Variants in IL18R1 observed in about 807,000 individuals in gnomAD.
IL18R1 encodes interleukin 18 receptor 1, also known as interleukin-18 receptor 1.
Under a neutral mutation model 48.5 loss-of-function variants are expected in IL18R1, and 40 were observed. That is an observed-to-expected ratio of 0.82 (90% CI 0.64 to 1.07). The LOEUF is 1.07. IL18R1 is among the 50% of genes least tolerant of loss of function. IL18R1 has a pLI of 0.00. For synonymous variants in IL18R1, 232 were observed against 225.9 expected (o/e 1.03, Z -0.24); for missense variants, 596 against 633.7 (o/e 0.94, Z 0.64).
intron 1 of IL18R1, among the ~76,000 whole-genome samples, chr2:102,357,753 T>G (rs975529889): frequency 2.0e-5 from 3 of 151,982 alleles, no homozygotes; most frequent in African/African-American, 7.3e-5. Context: ...ATAGGCAGAT[T>G]TGGGGGGAAG....
intron 3 of IL18R1, among the ~76,000 whole-genome samples, chr2:102,371,626 A>C (rs968280773): frequency 1.3e-5 from 2 of 152,200 alleles, no homozygotes; most frequent in African/African-American, 4.8e-5. Flanking sequence ...CCATCAGTGA[A>C]GATCACTGAC....
At chr2:102,359,065 G>A (rs367731553) in intron 1 of IL18R1, among the ~76,000 whole-genome samples, 8 of 151,466 alleles carry the variant, frequency 5.3e-5, no homozygotes, top group South Asian at 2.1e-4. Flanking sequence ...GTTTGCATTT[G>A]GAAAAGCATG....
chr2:102,394,849 TC>T (rs1680741576), intron 10 of IL18R1, among the ~76,000 whole-genome samples: 1 of 152,212 alleles, frequency 6.6e-6, no homozygotes, highest in Non-Finnish European at 1.5e-5. Flanking sequence ...TTCACGGTTC[TC>T]TGAAACTTTG....
At chr2:102,374,096 C>T (rs978834850) in intron 4 of IL18R1, 19 of 213,826 alleles carry the variant, frequency 8.9e-5, no homozygotes, top group Middle Eastern at 3.6e-3. Context: ...ACCAACCATT[C>T]CCCGCTCAAC....
intron 8 of IL18R1, 69 bp downstream of exon 8, chr2:102,387,069 G>A: frequency 6.7e-7 from 1 of 1,497,408 alleles, no homozygotes; most frequent in Non-Finnish European, 9.2e-7. Flanking sequence ...TTCAAAGATG[G>A]CCACTTTCTC....
At chr2:102,374,417 T>C (rs1309837773) in intron 4 of IL18R1, among the ~76,000 whole-genome samples, 2 of 152,166 alleles carry the variant, frequency 1.3e-5, no homozygotes, top group Non-Finnish European at 2.9e-5. Flanking sequence ...TTGACTTTAT[T>C]CTATTTCCCA....
At chr2:102,369,710 C>T (rs2058623) in intron 3 of IL18R1, among the ~76,000 whole-genome samples, 118,031 of 152,168 alleles carry the variant, frequency 0.78, 46,782 homozygotes, top group African/African-American at 0.9. Flanking sequence ...TAACCCTTTG[C>T]AGTTTGATGT....
In IL18R1 at chr2:102,398,184, A is replaced by C. The variant is rs558130474; in HGVS notation, c.*1298A>C. The C allele has an allele frequency of 6.6e-6, 1 of 152,456 alleles. No homozygotes were observed. Among genetic ancestry groups the C allele is most frequent in the African/African-American group, 2.4e-5 (1 of 41,566 alleles). 9.4% of individuals were successfully genotyped at this position (152,456 alleles called of 1,614,324 possible). A position where few individuals can be genotyped will look rare whatever the true frequency, so the allele number is the denominator to read the frequency against. On this transcript the variant is annotated 3_prime_UTR_variant, in exon 11 of 11. Coordinates refer to ENST00000233957, the MANE Select transcript of IL18R1 (RefSeq NM_003855.5). ...GAAGCATATCCAGAGGGCGAAAGAT[A>C]TCTCTCCATTGTGCATCTGCCTCTT...
chr2:102,358,390 G>A (rs1678378698), intron 1 of IL18R1, among the ~76,000 whole-genome samples: 1 of 152,124 alleles, frequency 6.6e-6, no homozygotes, highest in South Asian at 2.1e-4. Context: ...CTGACCTTAA[G>A]CCTAGGTCAC....
intron 8 of IL18R1, 118 bp from the exon 9 acceptor site, chr2:102,389,938 C>T (rs979638355): frequency 3.2e-5 from 26 of 818,402 alleles, no homozygotes; most frequent in Admixed American, 1.2e-4. Flanking sequence ...TGTGTCAGCA[C>T]GTGGGTTGGC....
At chr2:102,388,007 T>A (rs1680339259) in intron 8 of IL18R1, among the ~76,000 whole-genome samples, 1 of 149,944 alleles carries the variant, frequency 6.7e-6, no homozygotes, top group Non-Finnish European at 1.5e-5. Context: ...TACAGAGAGA[T>A]GAGAGTGAAA....
chr2:102,385,046 ATATATAT>A (rs1680151602), intron 7 of IL18R1, 48 bp downstream of exon 7: 1 of 965,504 alleles, frequency 1.0e-6, no homozygotes, highest in Non-Finnish European at 1.5e-6. Context: ...TATAACAATC[ATATATAT>A]TATATATAAC....
rs1678214356 is a variant in IL18R1 at position 102,355,838 on chromosome 2, G to T, written c.-591G>T. The T allele has an allele frequency of 6.6e-6, 1 of 152,240 alleles. No individual in the cohort carries two copies. The allele number at this position is 152,240 out of a possible 1,614,324, so 9.4% of individuals were successfully genotyped here. Reference sequence around the variant, plus strand: ...GCTGGGCAGGAAGCGCCAGACGCCTGGGGCCCACGCCGTCCGCGGGAAAAG... The same window carrying T: ...GCTGGGCAGGAAGCGCCAGACGCCTTGGGCCCACGCCGTCCGCGGGAAAAG... On this transcript the variant is annotated 5_prime_UTR_variant, in exon 1 of 11. Coordinates refer to ENST00000233957, the MANE Select transcript of IL18R1 (RefSeq NM_003855.5).
At position 102,362,614 on chromosome 2, in the gene IL18R1, G is replaced by A. The variant is rs762032951; in HGVS notation, c.-28-19G>A. On this transcript the variant is annotated intron_variant, in intron 1 of 10. Transcript: ENST00000233957. ...TTGTTTGAAAGCTTTGGCTGAATCTGTTTTATTCTGTTTTCCAGAGAAGCC... is the reference window on the plus strand; with the variant it reads ...TTGTTTGAAAGCTTTGGCTGAATCTATTTTATTCTGTTTTCCAGAGAAGCC... 2 of 1,545,056 alleles carry A rather than the reference G, an allele frequency of 1.3e-6. No individual in the cohort carries two copies. Among genetic ancestry groups the A allele is most frequent in the Admixed American group, 1.9e-5 (1 of 51,520 alleles).
chr2:102,396,224 G>C (rs953686933), intron 10 of IL18R1, among the ~76,000 whole-genome samples: 1 of 152,034 alleles, frequency 6.6e-6, no homozygotes, highest in Non-Finnish European at 1.5e-5. Context: ...CGGCTTCCTT[G>C]TTTGTTAAAT....
chr2:102,372,855 A>G (rs923333873), intron 4 of IL18R1, among the ~76,000 whole-genome samples: 1 of 152,176 alleles, frequency 6.6e-6, no homozygotes, highest in African/African-American at 2.4e-5. Flanking sequence ...TACCATTTCC[A>G]CAAATCCTTG....
intron 2 of IL18R1, among the ~76,000 whole-genome samples, chr2:102,363,324 A>G (rs893685106): frequency 6.6e-6 from 1 of 151,996 alleles, no homozygotes; most frequent in Non-Finnish European, 1.5e-5. Context: ...GCCTTGATCT[A>G]TTATCTAGGA....
intron 9 of IL18R1, 41 bp downstream of exon 9, chr2:102,390,258 A>G (rs1236905311): frequency 1.3e-6 from 2 of 1,559,878 alleles, no homozygotes; most frequent in Non-Finnish European, 1.8e-6. Flanking sequence ...TTATGTTCTC[A>G]TTAAGAAATC....
Position 102,369,877 on chromosome 2 carries a change from C to T in IL18R1, c.302+1809C>T, listed in dbSNP as rs572757898. Among the ~76,000 whole-genome samples, 9 of 151,976 alleles carry T rather than the reference C, an allele frequency of 5.9e-5. No individual in the cohort carries two copies. The South Asian group carries it at 8.3e-4, about 14-fold the overall frequency. On this transcript the variant is annotated intron_variant, in intron 3 of 10. Transcript: ENST00000233957. ...ACTTTATCCCACCAAATTTTAAGAA[C>T]GAAATCAACTAAGAAGGAAGGGGAT...
Sources: allele counts gnomAD v4.1 joint callset (sites outside exome capture counted in the v4.1 genomes callset), GRCh38; gene constraint gnomAD v4.1.1; transcripts MANE v1.5; gene names NCBI Gene and HGNC (gene_info 2026-07-23, HGNC 2026-07-21).